ANO10: variants seen among roughly 807,000 people sequenced by gnomAD.
The protein encoded by ANO10 is anoctamin 10.
In ANO10, 77 loss-of-function variants were observed where a neutral mutation model predicts 74.7. That is an observed-to-expected ratio of 1.03 (90% CI 0.86 to 1.25). ANO10 has a LOEUF of 1.25. Ranked by LOEUF, ANO10 falls within the 50% of genes most tolerant of loss-of-function variation. The pLI is 0.00. For missense variants in ANO10, 721 were observed against 778.1 expected (o/e 0.93, Z 0.87); for synonymous variants, 279 against 284.9 (o/e 0.98, Z 0.21).
chr3:43,449,911 T>C (rs972613084), intron 11 of ANO10, among the ~76,000 whole-genome samples: 1 of 152,220 alleles, frequency 6.6e-6, no homozygotes, highest in Non-Finnish European at 1.5e-5. Context: ...CTCCCATCCA[T>C]AAACATGGGA....
chr3:43,589,298 T>C (rs949964996), intron 4 of ANO10, among the ~76,000 whole-genome samples: 1 of 152,166 alleles, frequency 6.6e-6, no homozygotes, highest in Non-Finnish European at 1.5e-5. Context: ...CTTAATAAAG[T>C]AGAAGAAATG....
chr3:43,673,119 G>A (rs1237548350), intron 1 of ANO10, among the ~76,000 whole-genome samples: 1 of 152,162 alleles, frequency 6.6e-6, no homozygotes, highest in African/African-American at 2.4e-5. Flanking sequence ...TTTCAGTGTG[G>A]AATCAATGAT....
chr3:43,678,755 C>A (rs1025889317), intron 1 of ANO10, among the ~76,000 whole-genome samples: 1 of 152,098 alleles, frequency 6.6e-6, no homozygotes, highest in African/African-American at 2.4e-5. Context: ...CTGGCTCATA[C>A]TCCTACAGTA....
At position 43,493,624 on chromosome 3, in the gene ANO10, G is replaced by T. The variant is rs138850735; in HGVS notation, c.1797+56096C>A. Among the ~76,000 whole-genome samples, 36 of 151,830 alleles carry T rather than the reference G, an allele frequency of 2.4e-4. No individual in the cohort carries two copies. In the East Asian group the frequency reaches 7.0e-3, roughly 29 times the overall value. On this transcript the variant is annotated intron_variant, in intron 11 of 12. Coordinates refer to ENST00000292246, the MANE Select transcript of ANO10 (RefSeq NM_018075.5). ...AATTTAAGGTTAAAAAAACATAAAG[G>T]TTAAAAAAGCACTTGCTATACAATA...
chr3:43,579,980 C>T (rs9878330), intron 5 of ANO10, among the ~76,000 whole-genome samples: 86,835 of 151,406 alleles, frequency 0.57, 26,087 homozygotes, highest in East Asian at 0.89. Context: ...CGGCAAAACC[C>T]CGTCTTTACA....
intron 1 of ANO10, among the ~76,000 whole-genome samples, chr3:43,682,316 A>ACTAGAAAAT (rs1307738115): frequency 6.6e-6 from 1 of 152,244 alleles, no homozygotes; most frequent in Non-Finnish European, 1.5e-5. Flanking sequence ...ATGCAAATAA[A>ACTAGAAAAT]CTAGAAAATC....
intron 11 of ANO10, among the ~76,000 whole-genome samples, chr3:43,480,881 T>G (rs2076240477): frequency 6.6e-6 from 1 of 152,078 alleles, no homozygotes; most frequent in South Asian, 2.1e-4. Context: ...CGTTTTCAAC[T>G]CAATTATGCT....
At chr3:43,474,043 T>C (rs1296784528) in intron 11 of ANO10, among the ~76,000 whole-genome samples, 1 of 152,204 alleles carries the variant, frequency 6.6e-6, no homozygotes, top group South Asian at 2.1e-4. Flanking sequence ...CATTTTTATA[T>C]TGTGTGCAAC....
intron 11 of ANO10, among the ~76,000 whole-genome samples, chr3:43,486,862 G>A (rs538400956): frequency 6.8e-6 from 1 of 147,644 alleles, no homozygotes; most frequent in African/African-American, 2.5e-5. Context: ...TGGTGAGAGA[G>A]GGCATCCCTG....
chr3:43,501,306 C>T (rs1017129833), intron 11 of ANO10, among the ~76,000 whole-genome samples: 5 of 152,084 alleles, frequency 3.3e-5, no homozygotes, highest in Admixed American at 2.0e-4. Flanking sequence ...GGAAATCATT[C>T]GTTAGCACAA....
At chr3:43,587,316 G>C (rs2081524252) in intron 4 of ANO10, among the ~76,000 whole-genome samples, 1 of 152,156 alleles carries the variant, frequency 6.6e-6, no homozygotes, top group Non-Finnish European at 1.5e-5. Context: ...AGGCAATAAA[G>C]AACCAAGACC....
intron 1 of ANO10, among the ~76,000 whole-genome samples, chr3:43,653,879 C>G (rs916178694): frequency 6.6e-6 from 1 of 151,908 alleles, no homozygotes; most frequent in Non-Finnish European, 1.5e-5. Flanking sequence ...AATGGTTAAG[C>G]CTAACACTTA....
chr3:43,388,338 C>T (rs758107255), intron 12 of ANO10, among the ~76,000 whole-genome samples: 7 of 152,098 alleles, frequency 4.6e-5, no homozygotes, highest in African/African-American at 9.7e-5. Flanking sequence ...CAACCATGAA[C>T]TCGGTCCCTG....
intron 12 of ANO10, among the ~76,000 whole-genome samples, chr3:43,427,287 A>T (rs898519276): frequency 6.6e-6 from 1 of 152,106 alleles, no homozygotes; most frequent in African/African-American, 2.4e-5. Context: ...GTGGGGATTG[A>T]TAAAAGTGGG....
intron 1 of ANO10, among the ~76,000 whole-genome samples, chr3:43,666,299 G>A (rs957791558): frequency 4.6e-5 from 7 of 152,226 alleles, no homozygotes; most frequent in African/African-American, 1.2e-4. Context: ...TGGAAAAGAA[G>A]AGATTAAGAA....
rs61244727 is a variant in ANO10 at position 43,423,786 on chromosome 3, GCTGTT to G, written c.1914+8820_1914+8824del. ...TGGCTAACAGACCCTACCGTGGAGA[GCTGTT>G]CTGAAGAGACACTGGCACATGCAAA... On this transcript the variant is annotated intron_variant, in intron 12 of 12. Transcript: ENST00000292246. 6.1e-3 allele frequency among the ~76,000 whole-genome samples: 923 copies of G among 152,306 alleles called. 18 individuals are homozygous for G. The East Asian group carries it at 0.065, about 11-fold the overall frequency.
intron 12 of ANO10, among the ~76,000 whole-genome samples, chr3:43,373,263 C>T (rs1270682118): frequency 6.6e-6 from 1 of 152,028 alleles, no homozygotes; most frequent in Non-Finnish European, 1.5e-5. Flanking sequence ...GATTAGCAAG[C>T]TCAGATGTGG....
intron 11 of ANO10, among the ~76,000 whole-genome samples, chr3:43,464,301 T>C (rs1233761085): frequency 6.6e-6 from 1 of 152,220 alleles, no homozygotes; most frequent in Non-Finnish European, 1.5e-5. Context: ...CTCATTGGTA[T>C]AGACGTAAAA....
intron 11 of ANO10, among the ~76,000 whole-genome samples, chr3:43,508,823 T>C (rs2077397812): frequency 6.6e-6 from 1 of 151,034 alleles, no homozygotes. Flanking sequence ...AGGGATAGCA[T>C]TAGGAGATAT....
Sources: allele counts gnomAD v4.1 joint callset (sites outside exome capture counted in the v4.1 genomes callset), GRCh38; gene constraint gnomAD v4.1.1; transcripts MANE v1.5; gene names NCBI Gene and HGNC (gene_info 2026-07-23, HGNC 2026-07-21).